PRDM4: variants seen among roughly 807,000 people sequenced by gnomAD.
PRDM4 encodes the protein PR domain zinc finger protein 4.
Under a neutral mutation model 62.3 loss-of-function variants are expected in PRDM4, and 38 were observed. The observed-to-expected ratio is 0.61, with a 90% CI of 0.47 to 0.80. The LOEUF is 0.80. Among genes scored for constraint, PRDM4 ranks in the 30% least tolerant of loss-of-function variants. The pLI is 0.00. For synonymous variants in PRDM4, 339 were observed against 348.2 expected (o/e 0.97, Z 0.30); for missense variants, 858 against 997.1 (o/e 0.86, Z 1.88).
intron 3 of PRDM4, among the ~76,000 whole-genome samples, chr12:107,755,316 T>C (rs928195447): frequency 6.6e-6 from 1 of 152,090 alleles, no homozygotes; most frequent in Non-Finnish European, 1.5e-5. Flanking sequence ...TAGGCTGATC[T>C]TGAACTCCTG....
At chr12:107,736,785 T>C (rs1890345115) in intron 11 of PRDM4, 2 of 152,188 alleles carry the variant, frequency 1.3e-5, no homozygotes, top group South Asian at 2.1e-4. Flanking sequence ...AAGCCATCCA[T>C]AGAAGAAAAG....
Position 107,751,536 on chromosome 12 carries a change from C to A in PRDM4, c.1005G>T (p.Glu335Asp). 6.2e-7 allele frequency: 1 copy of A among 1,612,576 alleles called. No individual in the cohort carries two copies. The highest frequency in any genetic ancestry group is 8.5e-7 in the Non-Finnish European group (1 of 1,178,594). The change falls in exon 5 of 12, where the codon GAG becomes GAT. Residue 335 changes from glutamate to aspartate, a missense_variant. By Grantham distance (45) the Glu-to-Asp change is conservative. Coordinates refer to ENST00000228437, the MANE Select transcript of PRDM4 (RefSeq NM_012406.4). ...EPVAVSSITQ[E>D]VAMGTGHVDV... is the part of the protein sequence containing the mutation. ...CTACATGACCTGTCCCCATAGCAAC[C>A]TCCTGGGTGATGGAGGAGACAGCCA... is the stretch of plus-strand genomic sequence containing the variant.
intron 5 of PRDM4, among the ~76,000 whole-genome samples, chr12:107,747,837 C>A (rs1489030514): frequency 6.6e-6 from 1 of 152,054 alleles, no homozygotes; most frequent in Non-Finnish European, 1.5e-5. Context: ...GATCTGTCAC[C>A]AAGGCTGGAG....
intron 3 of PRDM4, among the ~76,000 whole-genome samples, chr12:107,754,393 ATTGATT>A (rs1422278623): frequency 6.6e-6 from 1 of 152,092 alleles, no homozygotes; most frequent in Non-Finnish European, 1.5e-5. Flanking sequence ...TAATTTATCG[ATTGATT>A]TGAGACGGAG....
At chr12:107,744,269 T>C (rs549459100) in intron 7 of PRDM4, among the ~76,000 whole-genome samples, 45 of 152,334 alleles carry the variant, frequency 3.0e-4, no homozygotes, top group African/African-American at 1.0e-3. Context: ...GTAATTCAAA[T>C]GCATTAAATG....
rs144711903 is a variant in PRDM4 at position 107,752,026 on chromosome 12, G to A, written c.515C>T (p.Thr172Ile). 21 of 1,614,132 alleles carry A rather than the reference G, an allele frequency of 1.3e-5. No homozygotes were observed. The Middle Eastern group carries it at 4.9e-4, about 38-fold the overall frequency. The change falls in exon 5 of 12, where the codon ACA (threonine) becomes ATA (isoleucine). Residue 172 changes from threonine to isoleucine, a missense_variant. Around this residue, in one of 3 missense-constraint regions of PRDM4, gnomAD observed 499 missense variants for 546.7 expected, o/e 0.91. Transcript: ENST00000228437. Reference protein sequence around the residue: ...IVSIDSRSVNTHGAQSLHPSD... With the variant: ...IVSIDSRSVNIHGAQSLHPSD... ...GGGATGAAGACTTTGGGCACCATGT[G>A]TGTTCACAGAGCGAGAGTCTATTGA...
intron 11 of PRDM4, among the ~76,000 whole-genome samples, chr12:107,735,964 TA>T (rs1448132777): frequency 6.6e-6 from 1 of 152,106 alleles, no homozygotes; most frequent in East Asian, 1.9e-4. Context: ...GGAGCAGTTT[TA>T]AAACCACCAA....
chr12:107,737,862 T>G (rs1890384363), intron 11 of PRDM4, among the ~76,000 whole-genome samples: 1 of 152,110 alleles, frequency 6.6e-6, no homozygotes, highest in Non-Finnish European at 1.5e-5. Context: ...CACCCCAAAT[T>G]CACATGTTGA....
At chr12:107,737,042 T>G (rs1248738317) in intron 11 of PRDM4, 1 of 151,998 alleles carries the variant, frequency 6.6e-6, no homozygotes, top group African/African-American at 2.4e-5. Context: ...TGTATGAGGG[T>G]GGAGACATAA....
chr12:107,737,631 T>C (rs971848267), intron 11 of PRDM4, among the ~76,000 whole-genome samples: 6 of 152,236 alleles, frequency 3.9e-5, no homozygotes, highest in South Asian at 2.1e-4. Context: ...GCCAGAGACA[T>C]TGTGGAAATC....
Position 107,746,346 on chromosome 12 carries a change from A to G in PRDM4, c.1205T>C (p.Ile402Thr), listed in dbSNP as rs549102614. Residue 402 changes from isoleucine to threonine, a missense_variant, in exon 6 of 12, where the codon ATA becomes ACA. Physicochemically the swap from Ile to Thr is moderately conservative, Grantham distance 89. Transcript: ENST00000228437. ...GAGAGAAAGCCTTGCTCTGCTCTCT[A>G]TTGGAGTGTCAGGAACAAAAGTCAC... is the stretch of plus-strand genomic sequence containing the variant. Reference protein sequence around the residue: ...GPVTFVPDTPIESRARLSLPK... With the variant: ...GPVTFVPDTPTESRARLSLPK... The G allele has an allele frequency of 6.2e-7, 1 of 1,614,056 alleles. No homozygotes were observed. Among genetic ancestry groups the G allele is most frequent in the South Asian group, 1.1e-5 (1 of 91,050 alleles).
intron 6 of PRDM4, among the ~76,000 whole-genome samples, 154 bp downstream of exon 6, chr12:107,746,121 T>TGGACA (rs1301591057): frequency 6.6e-6 from 1 of 152,236 alleles, no homozygotes; most frequent in Non-Finnish European, 1.5e-5. Flanking sequence ...CTATCATCAG[T>TGGACA]GGACAAGACT....
intron 10 of PRDM4, among the ~76,000 whole-genome samples, chr12:107,740,089 A>G (rs1890468526): frequency 6.6e-6 from 1 of 152,186 alleles, no homozygotes; most frequent in Admixed American, 6.5e-5. Flanking sequence ...GTGGGCCATA[A>G]GGTCTCTGTT....
At chr12:107,756,323 G>C (rs529540827) in intron 3 of PRDM4, among the ~76,000 whole-genome samples, 1 of 152,220 alleles carries the variant, frequency 6.6e-6, no homozygotes, top group East Asian at 1.9e-4. Flanking sequence ...GGAGGCTCAT[G>C]AGGCGTTCCA....
intron 2 of PRDM4, among the ~76,000 whole-genome samples, chr12:107,758,877 C>G (rs1188493868): frequency 6.6e-6 from 1 of 152,126 alleles, no homozygotes; most frequent in African/African-American, 2.4e-5. Flanking sequence ...TGGAGCTATG[C>G]AAACTCATCA....
At chr12:107,740,618 T>G (rs1890486518) in intron 10 of PRDM4, among the ~76,000 whole-genome samples, 2 of 152,156 alleles carry the variant, frequency 1.3e-5, no homozygotes, top group Admixed American at 6.5e-5. Flanking sequence ...GGAGAGAAAC[T>G]GGCTCTGGCT....
chr12:107,738,878 A>AACACACACAC (rs111582421), intron 11 of PRDM4, among the ~76,000 whole-genome samples: 3 of 146,904 alleles, frequency 2.0e-5, no homozygotes, highest in African/African-American at 5.0e-5. Flanking sequence ...AATTCAGACA[A>AACACACACAC]ACACACACAC....
At chr12:107,755,308 G>A (rs1891029780) in intron 3 of PRDM4, among the ~76,000 whole-genome samples, 1 of 151,718 alleles carries the variant, frequency 6.6e-6, no homozygotes, top group South Asian at 2.1e-4. Context: ...ATGTTACCTA[G>A]GCTGATCTTG....
chr12:107,746,279 T>G lies in PRDM4; in HGVS notation c.1272A>C (p.Glu424Asp), dbSNP rs1890702674. 1 of 1,613,874 alleles carries G rather than the reference T, an allele frequency of 6.2e-7. No homozygotes were observed. Among genetic ancestry groups the G allele is most frequent in the African/African-American group, 1.3e-5 (1 of 74,926 alleles). Residue 424 changes from glutamate (E) to aspartate (D), a missense_variant, in exon 6 of 12, where the codon GAA becomes GAC. By Grantham distance (45) the Glu-to-Asp change is conservative. Coordinates refer to ENST00000228437, the MANE Select transcript of PRDM4 (RefSeq NM_012406.4). ...LVLRQSIVGA[E>D]VGVWTGETIP... ...TTACAGTTCCAAGGTTCTTACCAAC[T>G]TCTGCTCCCACAATTGACTGACGGA...
Sources: allele counts gnomAD v4.1 joint callset (sites outside exome capture counted in the v4.1 genomes callset), GRCh38; gene constraint gnomAD v4.1.1; regional missense constraint gnomAD v4.1.1; transcripts MANE v1.5; gene names NCBI Gene and HGNC (gene_info 2026-07-23, HGNC 2026-07-21).